Variants in GMDS observed in about 807,000 individuals in gnomAD.
GMDS encodes the protein GDP-mannose 4,6 dehydratase.
In GMDS, 20 loss-of-function variants were observed where a neutral mutation model predicts 49.9. The ratio of observed to expected loss-of-function variants is 0.40; its 90% CI spans 0.28 to 0.58. The LOEUF is 0.58. GMDS is among the 20% of genes least tolerant of loss of function. GMDS has a pLI of 0.42. For synonymous variants in GMDS, 177 were observed against 178.6 expected (o/e 0.99, Z 0.07); for missense variants, 362 against 481.4 (o/e 0.75, Z 2.32).
chr6:2,080,113 A>AT (rs1772592445), intron 4 of GMDS, among the ~76,000 whole-genome samples: 3 of 152,182 alleles, frequency 2.0e-5, no homozygotes, highest in Middle Eastern at 3.4e-3. Context: ...TGAATCTAAC[A>AT]TTTTTTATTT....
chr6:1,863,913 T>C (rs1308834960), intron 7 of GMDS, among the ~76,000 whole-genome samples: 1 of 152,196 alleles, frequency 6.6e-6, no homozygotes, highest in Non-Finnish European at 1.5e-5. Flanking sequence ...ATATATTTTC[T>C]AATGTGTCAT....
intron 1 of GMDS, among the ~76,000 whole-genome samples, chr6:2,158,993 A>ATT (rs1283390321): frequency 2.6e-5 from 4 of 152,198 alleles, no homozygotes; most frequent in Non-Finnish European, 5.9e-5. Context: ...GTTTAGAAGG[A>ATT]AGATAAGTAA....
intron 1 of GMDS, among the ~76,000 whole-genome samples, chr6:2,163,279 A>T (rs1777497576): frequency 6.6e-6 from 1 of 152,194 alleles, no homozygotes; most frequent in African/African-American, 2.4e-5. Flanking sequence ...AGAATCACCA[A>T]GGAAAAGTCA....
chr6:1,947,762 T>G (rs1336241009), intron 6 of GMDS, among the ~76,000 whole-genome samples: 5 of 152,260 alleles, frequency 3.3e-5, no homozygotes, highest in African/African-American at 1.2e-4. Context: ...AATTAGCCCA[T>G]AAACAACAGA....
chr6:2,147,701 C>G (rs1464420374), intron 1 of GMDS, among the ~76,000 whole-genome samples: 1 of 151,488 alleles, frequency 6.6e-6, no homozygotes, highest in African/African-American at 2.4e-5. Flanking sequence ...GCTTGTATTT[C>G]TCACAGGGAT....
intron 4 of GMDS, among the ~76,000 whole-genome samples, chr6:1,986,802 T>C (rs1688590803): frequency 6.6e-6 from 1 of 152,220 alleles, no homozygotes; most frequent in Admixed American, 6.5e-5. Context: ...GCAATTTCTC[T>C]TCCAGGATAA....
intron 4 of GMDS, among the ~76,000 whole-genome samples, chr6:2,114,048 A>C (rs1207750402): frequency 6.6e-6 from 1 of 152,166 alleles, no homozygotes; most frequent in African/African-American, 2.4e-5. Flanking sequence ...GATCACTACA[A>C]CTAAGAAAAC....
intron 1 of GMDS, among the ~76,000 whole-genome samples, chr6:2,133,226 A>G (rs967511873): frequency 6.6e-6 from 1 of 152,212 alleles, no homozygotes; most frequent in Admixed American, 6.5e-5. Flanking sequence ...ACTGCAGTAA[A>G]AAGAGAAGAA....
At chr6:1,743,277 G>A (rs1767345625) in intron 7 of GMDS, among the ~76,000 whole-genome samples, 1 of 152,210 alleles carries the variant, frequency 6.6e-6, no homozygotes, top group African/African-American at 2.4e-5. Flanking sequence ...TGTCTAGCAG[G>A]GCGCGGTGGC....
chr6:1,662,175 T>A (rs1764102047), intron 9 of GMDS, among the ~76,000 whole-genome samples: 1 of 152,084 alleles, frequency 6.6e-6, no homozygotes, highest in Non-Finnish European at 1.5e-5. Flanking sequence ...ACTTATTTAA[T>A]CCTCAGATCA....
chr6:2,206,553 T>G (rs1349298233), intron 1 of GMDS, among the ~76,000 whole-genome samples: 1 of 152,200 alleles, frequency 6.6e-6, no homozygotes, highest in African/African-American at 2.4e-5. Flanking sequence ...TTCATCAACT[T>G]TGTCAAACTC....
intron 1 of GMDS, among the ~76,000 whole-genome samples, chr6:2,140,676 T>C (rs1417306823): frequency 3.9e-5 from 6 of 152,186 alleles, no homozygotes; most frequent in African/African-American, 1.4e-4. Flanking sequence ...CTAACAAAGT[T>C]TGGGAATTCC....
At chr6:2,100,422 C>T (rs1773854675) in intron 4 of GMDS, among the ~76,000 whole-genome samples, 1 of 152,006 alleles carries the variant, frequency 6.6e-6, no homozygotes, top group African/African-American at 2.4e-5. Flanking sequence ...ATGTCCTAAA[C>T]ATTACAACAA....
intron 6 of GMDS, among the ~76,000 whole-genome samples, chr6:1,954,413 A>C (rs966573621): frequency 6.6e-6 from 1 of 152,252 alleles, no homozygotes; most frequent in East Asian, 1.9e-4. Context: ...AGTCTGCTGC[A>C]ATCACTGACT....
chr6:1,819,317 A>C (rs1350623305), intron 7 of GMDS, among the ~76,000 whole-genome samples: 1 of 152,226 alleles, frequency 6.6e-6, no homozygotes, highest in East Asian at 1.9e-4. Context: ...CCCTGCAATT[A>C]CTAAGTGGTT....
chr6:1,662,232 G>A (rs1489967592), intron 9 of GMDS, among the ~76,000 whole-genome samples: 4 of 152,236 alleles, frequency 2.6e-5, no homozygotes, highest in Middle Eastern at 3.4e-3. Flanking sequence ...TCTTAGCACT[G>A]GGAAACTGAG....
intron 9 of GMDS, among the ~76,000 whole-genome samples, chr6:1,664,573 T>C (rs1764181645): frequency 6.6e-6 from 1 of 152,164 alleles, no homozygotes. Flanking sequence ...GACAATCACA[T>C]AACGAAGCTG....
chr6:1,723,598 T>G (rs1366551146), intron 9 of GMDS, among the ~76,000 whole-genome samples: 1 of 151,532 alleles, frequency 6.6e-6, no homozygotes, highest in Non-Finnish European at 1.5e-5. Flanking sequence ...TTATGGCAAT[T>G]TTTTTTTCCT....
intron 7 of GMDS, among the ~76,000 whole-genome samples, chr6:1,780,697 C>T (rs1041387892): frequency 2.0e-5 from 3 of 152,240 alleles, no homozygotes; most frequent in African/African-American, 7.2e-5. Context: ...CATCAACACG[C>T]AACGGCTCAC....
Sources: gnomAD v4.1 joint callset for allele counts (sites outside exome capture counted in the v4.1 genomes callset) on GRCh38, gnomAD v4.1.1 for gene constraint, MANE v1.5 for transcripts, NCBI Gene and HGNC (gene_info 2026-07-23, HGNC 2026-07-21) for gene names.